The following KCNIP4 variants were observed in gnomAD, a reference collection of about 807,000 sequenced individuals.
KCNIP4 encodes the protein potassium voltage-gated channel interacting protein 4.
A neutral mutation model predicts 34.0 loss-of-function variants in KCNIP4; 12 were observed. The ratio of observed to expected loss-of-function variants is 0.35; its 90% CI spans 0.23 to 0.57. KCNIP4 has a LOEUF of 0.57. Among genes scored for constraint, KCNIP4 ranks in the 20% least tolerant of loss-of-function variants. KCNIP4 has a pLI of 0.83. For synonymous variants in KCNIP4, 124 were observed against 102.2 expected, an observed-to-expected ratio of 1.21 and a Z score of -1.29; for missense variants, 238 against 311.7, an observed-to-expected ratio of 0.76 and a Z score of 1.78.
intron 1 of KCNIP4, among the ~76,000 whole-genome samples, chr4:21,815,381 TAA>T (rs1330498620): frequency 1.3e-5 from 2 of 152,314 alleles, no homozygotes; most frequent in South Asian, 2.1e-4. Context: ...TGTAATGTTA[TAA>T]GTTAGGTACC....
chr4:20,730,673 C>G (rs2149253051), intron 8 of KCNIP4, among the ~76,000 whole-genome samples: 1 of 152,230 alleles, frequency 6.6e-6, no homozygotes, highest in East Asian at 1.9e-4. Flanking sequence ...CCTGAAGGAG[C>G]CTTTAAAAAT....
chr4:21,669,599 C>T (rs947007635), intron 1 of KCNIP4, among the ~76,000 whole-genome samples: 4 of 151,376 alleles, frequency 2.6e-5, no homozygotes, highest in Admixed American at 1.3e-4. Flanking sequence ...GAGATGGGCA[C>T]TCCTAAACCC....
At chr4:20,743,839 C>T (rs1282889941) in intron 5 of KCNIP4, among the ~76,000 whole-genome samples, 2 of 151,596 alleles carry the variant, frequency 1.3e-5, no homozygotes, top group African/African-American at 2.4e-5. Flanking sequence ...AGGCAACCTA[C>T]AAAATGGGAG....
chr4:21,595,862 C>G (rs928926114), intron 1 of KCNIP4, among the ~76,000 whole-genome samples: 3 of 152,058 alleles, frequency 2.0e-5, no homozygotes, highest in African/African-American at 7.2e-5. Flanking sequence ...CTCTGTTCAG[C>G]CTCAATCCTA....
At chr4:21,913,735 A>T (rs1728470670) in intron 1 of KCNIP4, among the ~76,000 whole-genome samples, 1 of 152,198 alleles carries the variant, frequency 6.6e-6, no homozygotes, top group South Asian at 2.1e-4. Context: ...GTTGTGTGAT[A>T]ACAAGGACTA....
At chr4:21,320,337 C>T (rs1714237053) in intron 1 of KCNIP4, among the ~76,000 whole-genome samples, 1 of 152,060 alleles carries the variant, frequency 6.6e-6, no homozygotes, top group South Asian at 2.1e-4. Flanking sequence ...CCTGAAGGTG[C>T]CTGGCTAAGC....
At chr4:21,555,585 A>G (rs550380480) in intron 1 of KCNIP4, among the ~76,000 whole-genome samples, 1 of 152,300 alleles carries the variant, frequency 6.6e-6, no homozygotes, top group South Asian at 2.1e-4. Flanking sequence ...TGGCAAGAAG[A>G]ATATGGAATA....
At chr4:20,816,966 G>T (rs1351906459) in intron 3 of KCNIP4, among the ~76,000 whole-genome samples, 1 of 152,136 alleles carries the variant, frequency 6.6e-6, no homozygotes, top group Non-Finnish European at 1.5e-5. Flanking sequence ...TGATGTTCAG[G>T]TCAGTTTTAC....
intron 1 of KCNIP4, among the ~76,000 whole-genome samples, chr4:21,189,037 A>C (rs1560793773): frequency 6.6e-6 from 1 of 152,222 alleles, no homozygotes; most frequent in Non-Finnish European, 1.5e-5. Flanking sequence ...TAAGTTCCCT[A>C]ATCAGTTTCC....
At chr4:21,055,506 G>A (rs1013407418) in intron 1 of KCNIP4, among the ~76,000 whole-genome samples, 40 of 152,060 alleles carry the variant, frequency 2.6e-4, no homozygotes, top group African/African-American at 8.7e-4. Flanking sequence ...TGCTAAAACT[G>A]GAAGCAACCA....
intron 1 of KCNIP4, among the ~76,000 whole-genome samples, chr4:21,801,699 C>T (rs1721010040): frequency 6.6e-6 from 1 of 152,030 alleles, no homozygotes; most frequent in Non-Finnish European, 1.5e-5. Flanking sequence ...ACCTCCACCT[C>T]CCGGGTTCAA....
chr4:20,863,899 T>C (rs1328240409), intron 2 of KCNIP4, among the ~76,000 whole-genome samples: 1 of 151,954 alleles, frequency 6.6e-6, no homozygotes, highest in East Asian at 1.9e-4. Context: ...CTAATATTTA[T>C]AGCATTTGTT....
chr4:21,801,555 C>A (rs1720993353), intron 1 of KCNIP4, among the ~76,000 whole-genome samples: 1 of 151,980 alleles, frequency 6.6e-6, no homozygotes, highest in Admixed American at 6.6e-5. Flanking sequence ...CAGAACACTG[C>A]TTGGAAAATG....
At chr4:21,769,917 C>G (rs967765495) in intron 1 of KCNIP4, among the ~76,000 whole-genome samples, 2 of 152,078 alleles carry the variant, frequency 1.3e-5, no homozygotes, top group African/African-American at 4.8e-5. Context: ...TGTGAGGTTA[C>G]TAAAATGAGA....
intron 1 of KCNIP4, among the ~76,000 whole-genome samples, chr4:21,437,630 C>T (rs767444367): frequency 1.3e-5 from 2 of 152,084 alleles, no homozygotes; most frequent in Non-Finnish European, 2.9e-5. Context: ...GAACTGCTTC[C>T]GGTTTTCAGA....
chr4:21,495,261 G>A (rs1366970153), intron 1 of KCNIP4, among the ~76,000 whole-genome samples: 1 of 151,808 alleles, frequency 6.6e-6, no homozygotes, highest in Non-Finnish European at 1.5e-5. Flanking sequence ...TCTCTGTTCT[G>A]GTATTCTTGC....
intron 1 of KCNIP4, among the ~76,000 whole-genome samples, chr4:21,363,565 T>G (rs1435129483): frequency 6.6e-6 from 1 of 152,168 alleles, no homozygotes; most frequent in Non-Finnish European, 1.5e-5. Flanking sequence ...TACATAGCTC[T>G]TTGGGAAGTA....
intron 1 of KCNIP4, among the ~76,000 whole-genome samples, chr4:21,134,570 T>C (rs565435972): frequency 6.6e-6 from 1 of 152,322 alleles, no homozygotes; most frequent in African/African-American, 2.4e-5. Flanking sequence ...ATAACTCTTC[T>C]AAGTTTGCTT....
intron 5 of KCNIP4, among the ~76,000 whole-genome samples, chr4:20,737,705 T>A (rs1420933653): frequency 2.0e-5 from 3 of 152,230 alleles, no homozygotes; most frequent in Non-Finnish European, 2.9e-5. Flanking sequence ...AGCAGTAAGA[T>A]GACATGCAAA....
Sources: gnomAD v4.1 joint callset for allele counts (sites outside exome capture counted in the v4.1 genomes callset) on GRCh38, gnomAD v4.1.1 for gene constraint, MANE v1.5 for transcripts, NCBI Gene and HGNC (gene_info 2026-07-23, HGNC 2026-07-21) for gene names.